CNTNAP2: variants seen among roughly 807,000 people sequenced by gnomAD.
CNTNAP2 encodes the protein contactin associated protein 2.
A neutral mutation model predicts 155.2 loss-of-function variants in CNTNAP2; 98 were observed. The observed-to-expected ratio is 0.63, with a 90% CI of 0.54 to 0.75. The LOEUF is 0.75. Among genes scored for constraint, CNTNAP2 ranks in the 30% least tolerant of loss-of-function variants. The pLI is 0.00. For missense variants in CNTNAP2, 1,727 were observed against 1,688.1 expected, an observed-to-expected ratio of 1.02 and a Z score of -0.40; for synonymous variants, 651 against 631.2, an observed-to-expected ratio of 1.03 and a Z score of -0.47.
At chr7:147,676,252 A>G (rs941050162) in intron 13 of CNTNAP2, among the ~76,000 whole-genome samples, 5 of 151,982 alleles carry the variant, frequency 3.3e-5, no homozygotes, top group Non-Finnish European at 5.9e-5. Flanking sequence ...AATTAAATGG[A>G]AAAAAATGTA....
chr7:146,379,073 G>T (rs1234519809), intron 1 of CNTNAP2, among the ~76,000 whole-genome samples: 1 of 152,202 alleles, frequency 6.6e-6, no homozygotes, highest in Non-Finnish European at 1.5e-5. Context: ...AAGGCACAGT[G>T]TGTGTGGGGC....
At chr7:147,571,611 A>G (rs1208305411) in intron 12 of CNTNAP2, among the ~76,000 whole-genome samples, 1 of 152,114 alleles carries the variant, frequency 6.6e-6, no homozygotes, top group East Asian at 1.9e-4. Context: ...ATCATCGGTA[A>G]CAATGATCGT....
rs1437864196 is a variant in CNTNAP2, at chr7:146,116,992, G to A, written c.97+19G>A. The A allele has an allele frequency of 3.9e-6, 6 of 1,545,894 alleles. No individual in the cohort carries two copies. Among genetic ancestry groups the A allele is most frequent in the East Asian group, 2.4e-5 (1 of 40,874 alleles). Reference sequence around the variant, plus strand: ...ACGTCCCGTAAGTAGCCGTCTCCTCGCTCTGCTCTGGAGCAGTTTCAGTGC... The same window carrying A: ...ACGTCCCGTAAGTAGCCGTCTCCTCACTCTGCTCTGGAGCAGTTTCAGTGC... On this transcript the variant is annotated intron_variant, in intron 1 of 23. Transcript: ENST00000361727. The surrounding 1 kb of genome is among the most constrained non-coding windows in gnomAD (Gnocchi z 5.5).
At chr7:147,712,420 C>G (rs1161066470) in intron 13 of CNTNAP2, among the ~76,000 whole-genome samples, 1 of 152,130 alleles carries the variant, frequency 6.6e-6, no homozygotes, top group Non-Finnish European at 1.5e-5. Flanking sequence ...GATTATAAAT[C>G]ATACTGCTGT....
chr7:146,651,527 G>A (rs975808700), intron 1 of CNTNAP2, among the ~76,000 whole-genome samples: 2 of 152,214 alleles, frequency 1.3e-5, no homozygotes, highest in Middle Eastern at 3.4e-3. Context: ...GAAAAAACTT[G>A]CTCTTGTCTT....
At chr7:147,193,844 T>C (rs949444582) in intron 8 of CNTNAP2, among the ~76,000 whole-genome samples, 1 of 151,306 alleles carries the variant, frequency 6.6e-6, no homozygotes, top group African/African-American at 2.4e-5. Context: ...AGGAGGAGAG[T>C]AGGGATACTT....
intron 9 of CNTNAP2, among the ~76,000 whole-genome samples, chr7:147,302,249 C>A (rs1450500754): frequency 6.6e-6 from 1 of 152,178 alleles, no homozygotes; most frequent in Admixed American, 6.5e-5. Context: ...CTCTGCTGAT[C>A]CCTTGACTGG....
At chr7:148,010,351 A>G (rs1434230675) in intron 15 of CNTNAP2, among the ~76,000 whole-genome samples, 1 of 148,260 alleles carries the variant, frequency 6.7e-6, no homozygotes, top group African/African-American at 2.6e-5. Context: ...GATGTGCAGA[A>G]GTTTTAATTT....
chr7:147,832,045 C>A lies in CNTNAP2; in HGVS notation c.2099-71520C>A, dbSNP rs561818968. Reference sequence around the variant, plus strand: ...GTTAACATTTTTTAAGGAAATATTACCTCATCTTATCTCTTGATGGCATAG... The same window carrying A: ...GTTAACATTTTTTAAGGAAATATTAACTCATCTTATCTCTTGATGGCATAG... On this transcript the variant is annotated intron_variant, in intron 13 of 23. Coordinates refer to ENST00000361727, the MANE Select transcript of CNTNAP2 (RefSeq NM_014141.6). Among the ~76,000 whole-genome samples the A allele has an allele frequency of 2.6e-5, 4 of 151,254 alleles. No homozygotes were observed. In the South Asian group the frequency reaches 8.4e-4, roughly 32 times the overall value.
chr7:147,092,234 C>A (rs1287743648), intron 4 of CNTNAP2, among the ~76,000 whole-genome samples: 1 of 152,160 alleles, frequency 6.6e-6, no homozygotes, highest in Non-Finnish European at 1.5e-5. Flanking sequence ...TTCCCAATGA[C>A]CCCCTCAAAA....
At chr7:147,081,584 TG>T (rs1232195605) in intron 4 of CNTNAP2, 6 of 6,668 alleles carry the variant, frequency 9.0e-4, no homozygotes, top group Admixed American at 2.2e-3. Context: ...CCGGCTAATT[TG>T]TGTGTGTGTG....
chr7:147,037,643 G>A (rs10276655), intron 3 of CNTNAP2, among the ~76,000 whole-genome samples: 41,477 of 151,298 alleles, frequency 0.27, 6,940 homozygotes, highest in African/African-American at 0.48. Flanking sequence ...TTGTATTTTT[G>A]GCAGAGACGG....
chr7:147,671,526 A>C (rs1192303072), intron 13 of CNTNAP2, among the ~76,000 whole-genome samples: 1 of 152,128 alleles, frequency 6.6e-6, no homozygotes, highest in Non-Finnish European at 1.5e-5. Flanking sequence ...TTTTTGGCCA[A>C]AATAACTAGA....
At chr7:148,150,861 A>G (rs1805283760) in intron 17 of CNTNAP2, among the ~76,000 whole-genome samples, 1 of 151,886 alleles carries the variant, frequency 6.6e-6, no homozygotes, top group Admixed American at 6.5e-5. Context: ...CTCCCACCTC[A>G]GTCCCCAAGT....
chr7:147,104,514 AT>A (rs1016182720), intron 4 of CNTNAP2, among the ~76,000 whole-genome samples: 8 of 151,516 alleles, frequency 5.3e-5, no homozygotes, highest in African/African-American at 1.7e-4. Flanking sequence ...TGCCTTTTAA[AT>A]TTTTTTTCTT....
intron 1 of CNTNAP2, among the ~76,000 whole-genome samples, chr7:146,203,671 G>A (rs1263406428): frequency 6.6e-6 from 1 of 151,930 alleles, no homozygotes; most frequent in Non-Finnish European, 1.5e-5. Context: ...CCTGGGGGTG[G>A]GTTGGGGCAG....
At chr7:148,017,818 C>A (rs949694763) in intron 15 of CNTNAP2, among the ~76,000 whole-genome samples, 2 of 152,156 alleles carry the variant, frequency 1.3e-5, no homozygotes, top group African/African-American at 4.8e-5. Context: ...AACCCTCTTG[C>A]GAATATACAT....
chr7:146,411,356 C>G (rs577430058), intron 1 of CNTNAP2, among the ~76,000 whole-genome samples: 1 of 151,954 alleles, frequency 6.6e-6, no homozygotes, highest in Admixed American at 6.6e-5. Flanking sequence ...CGGGGTTTCA[C>G]CATGTTGGTC....
chr7:148,284,716 G>A (rs1797050947), intron 21 of CNTNAP2, among the ~76,000 whole-genome samples: 1 of 152,024 alleles, frequency 6.6e-6, no homozygotes, highest in South Asian at 2.1e-4. Flanking sequence ...ATGTTTCGAA[G>A]AAAAAGGTCT....
Sources: allele counts gnomAD v4.1 joint callset (sites outside exome capture counted in the v4.1 genomes callset), GRCh38; gene constraint gnomAD v4.1.1; non-coding constraint Gnocchi (gnomAD v3.1); transcripts MANE v1.5; gene names NCBI Gene and HGNC (gene_info 2026-07-23, HGNC 2026-07-21).